The following RAB10 variants were observed in gnomAD, a reference collection of about 807,000 sequenced individuals.
RAB10 encodes RAB10, member RAS oncogene family.
In RAB10, 5 loss-of-function variants were observed where a neutral mutation model predicts 25.7. That is an observed-to-expected ratio of 0.19 (90% confidence interval 0.10 to 0.41). The LOEUF (loss-of-function observed/expected upper bound fraction) is 0.41. RAB10 is among the 10% of genes least tolerant of loss of function. The probability of loss-of-function intolerance (pLI) is 1.00; values close to 1 mark genes in which losing one functional copy is unlikely to be tolerated. For missense variants in RAB10, 103 were observed against 245.8 expected, an observed-to-expected ratio of 0.42 and a Z score of 3.89; for synonymous variants, 89 against 86.4, an observed-to-expected ratio of 1.03 and a Z score of -0.16.
chr2:26,086,025 G>C (rs913642139), intron 1 of RAB10, among the ~76,000 whole-genome samples: 6 of 136,168 alleles, frequency 4.4e-5, no homozygotes, highest in African/African-American at 1.1e-4. Context: ...AAAGGGGGGG[G>C]GCAAAGGGGC....
rs1666396108 is a variant in RAB10, at chr2:26,061,614, C to T, written c.127+26879C>T. 5.9e-5 allele frequency among the ~76,000 whole-genome samples: 9 copies of T among 152,212 alleles called. No homozygotes were observed. In the South Asian group the frequency reaches 1.9e-3, roughly 32 times the overall value. On this transcript the variant is annotated intron_variant, in intron 1 of 5. Coordinates refer to ENST00000264710, the MANE Select transcript of RAB10 (RefSeq NM_016131.5). ...TTAGGTTTCCCAGGCTGGTCTCGAA[C>T]TCCTACCTTCCATTAATCCTCCTGC...
intron 1 of RAB10, among the ~76,000 whole-genome samples, chr2:26,091,884 G>C (rs901376305): frequency 6.6e-6 from 1 of 152,126 alleles, no homozygotes; most frequent in African/African-American, 2.4e-5. Context: ...AGTAAGATCA[G>C]ATGAGGACCA....
chr2:26,074,023 A>G (rs950312666), intron 1 of RAB10, among the ~76,000 whole-genome samples: 2 of 152,190 alleles, frequency 1.3e-5, no homozygotes. Context: ...AAAACTGGCA[A>G]CGGAATTTGG....
At chr2:26,100,972 G>A (rs1667327350) in intron 2 of RAB10, among the ~76,000 whole-genome samples, 5 of 151,146 alleles carry the variant, frequency 3.3e-5, no homozygotes, top group Admixed American at 3.3e-4. Context: ...AGGTGAATAG[G>A]GTAAAGTGTT....
chr2:26,114,640 C>T (rs1381409733), intron 3 of RAB10, among the ~76,000 whole-genome samples: 1 of 150,546 alleles, frequency 6.6e-6, no homozygotes, highest in East Asian at 1.9e-4. Context: ...CCTGTAATCC[C>T]AACATTTTGG....
At chr2:26,036,143 G>A (rs370088545) in intron 1 of RAB10, among the ~76,000 whole-genome samples, 41 of 152,296 alleles carry the variant, frequency 2.7e-4, no homozygotes, top group African/African-American at 9.9e-4. Context: ...AGCTGGCTAG[G>A]GTTAGGTGAT....
chr2:26,064,386 C>T (rs1666470142), intron 1 of RAB10, among the ~76,000 whole-genome samples: 1 of 152,072 alleles, frequency 6.6e-6, no homozygotes, highest in South Asian at 2.1e-4. Flanking sequence ...GGCTGGGATG[C>T]ATTTCTGCTC....
chr2:26,078,581 G>T (rs540532612), intron 1 of RAB10, among the ~76,000 whole-genome samples: 10 of 152,282 alleles, frequency 6.6e-5, no homozygotes, highest in Admixed American at 3.9e-4. Flanking sequence ...GATTTCTGAG[G>T]TGATACATGT....
intron 1 of RAB10, among the ~76,000 whole-genome samples, chr2:26,070,271 C>A (rs1666597535): frequency 6.6e-6 from 1 of 152,104 alleles, no homozygotes; most frequent in Non-Finnish European, 1.5e-5. Context: ...GGCAGATATG[C>A]TTGAGAGCTC....
rs770262079 is a variant in RAB10, at chr2:26,034,593, C to G, written c.-16C>G. ...CTTGGGGCCGCCGGCGGCGAGAGCC[C>G]GAGCCGCTCCTCCCAATGGCGAAGA... is the stretch of plus-strand genomic sequence containing the variant. On this transcript the variant is annotated 5_prime_UTR_variant, in exon 1 of 6. Transcript: ENST00000264710. 20 of 1,612,078 alleles carry G rather than the reference C, an allele frequency of 1.2e-5. No homozygotes were observed. The African/African-American group carries it at 2.0e-4, about 16-fold the overall frequency.
chr2:26,094,601 C>T (rs368835801), intron 1 of RAB10, among the ~76,000 whole-genome samples: 1 of 151,814 alleles, frequency 6.6e-6, no homozygotes. Flanking sequence ...CACTGTTGCC[C>T]AGGCTGGAGT....
intron 1 of RAB10, among the ~76,000 whole-genome samples, chr2:26,060,818 A>G (rs1666377525): frequency 6.6e-6 from 1 of 152,180 alleles, no homozygotes; most frequent in South Asian, 2.1e-4. Context: ...AGTAAAACTT[A>G]CTAGTTACAA....
At chr2:26,122,686 G>T (rs1667831199) in intron 3 of RAB10, among the ~76,000 whole-genome samples, 1 of 151,888 alleles carries the variant, frequency 6.6e-6, no homozygotes, top group African/African-American at 2.4e-5. Context: ...AAAAAGTGAA[G>T]TTATTATATG....
chr2:26,090,430 ATTG>A (rs1262925726), intron 1 of RAB10, among the ~76,000 whole-genome samples: 4 of 146,698 alleles, frequency 2.7e-5, no homozygotes, highest in African/African-American at 1.0e-4. Flanking sequence ...TTTTATGCTT[ATTG>A]TTCATTATGC....
intron 1 of RAB10, among the ~76,000 whole-genome samples, chr2:26,051,798 C>T (rs1200742320): frequency 6.6e-6 from 1 of 151,418 alleles, no homozygotes; most frequent in Non-Finnish European, 1.5e-5. Flanking sequence ...TGGTTCACGC[C>T]TGTAATCCCA....
chr2:26,035,021 AC>A (rs1247847362), intron 1 of RAB10, among the ~76,000 whole-genome samples: 1 of 152,134 alleles, frequency 6.6e-6, no homozygotes, highest in African/African-American at 2.4e-5. Flanking sequence ...AGGCGACTGG[AC>A]TGGCTTTTTC....
At chr2:26,055,391 ATTTTTTTT>A (rs536425050) in intron 1 of RAB10, among the ~76,000 whole-genome samples, 9 of 138,774 alleles carry the variant, frequency 6.5e-5, no homozygotes, top group African/African-American at 2.4e-4. Flanking sequence ...CACTTGGCTA[ATTTTTTTT>A]TTTTTTTTTG....
At chr2:26,112,179 C>T (rs753531017) in intron 3 of RAB10, among the ~76,000 whole-genome samples, 1 of 152,116 alleles carries the variant, frequency 6.6e-6, no homozygotes, top group South Asian at 2.1e-4. Flanking sequence ...TATTCCTTAC[C>T]CTCAGTTTTT....
At chr2:26,067,444 A>G (rs1666538492) in intron 1 of RAB10, among the ~76,000 whole-genome samples, 1 of 152,084 alleles carries the variant, frequency 6.6e-6, no homozygotes, top group African/African-American at 2.4e-5. Flanking sequence ...TATTTTTTCC[A>G]TGTTTCCTAC....
Sources: gnomAD v4.1 joint callset for allele counts (sites outside exome capture counted in the v4.1 genomes callset) on GRCh38, gnomAD v4.1.1 for gene constraint, MANE v1.5 for transcripts, NCBI Gene and HGNC (gene_info 2026-07-23, HGNC 2026-07-21) for gene names.